The following PCDH11X variants were observed in gnomAD, a reference collection of about 807,000 sequenced individuals.
PCDH11X encodes the protein protocadherin-11 X-linked.
A neutral mutation model predicts 53.3 loss-of-function variants in PCDH11X; 18 were observed. The observed-to-expected ratio is 0.34, with a 90% CI of 0.23 to 0.50. The LOEUF is 0.50. PCDH11X is among the 20% of genes least tolerant of loss of function. The pLI is 0.98. For missense variants in PCDH11X, 570 were observed against 1,032.4 expected (o/e 0.55, Z 6.14); for synonymous variants, 279 against 393.3 (o/e 0.71, Z 3.44).
At chrX:91,873,000 C>T (rs1053033397) in intron 5 of PCDH11X, among the ~76,000 whole-genome samples, 1 of 109,269 alleles carries the variant, frequency 9.2e-6, no homozygotes, top group Admixed American at 9.9e-5. Context: ...TATACTTTGA[C>T]GTCAACTTAG....
chrX:92,343,313 A>G lies in PCDH11X; in HGVS notation c.3145-44422A>G, dbSNP rs764138238. Reference sequence around the variant, plus strand: ...TATTGGTATAAGCCTATATAGTTCTACCATTTTAAAAATCAACCAAAAGCA... The same window carrying G: ...TATTGGTATAAGCCTATATAGTTCTGCCATTTTAAAAATCAACCAAAAGCA... On this transcript the variant is annotated intron_variant, in intron 8 of 10. Coordinates refer to ENST00000682573, the MANE Select transcript of PCDH11X (RefSeq NM_032968.5). Among the ~76,000 whole-genome samples the G allele has an allele frequency of 4.5e-5, 5 of 111,903 alleles. No individual in the cohort carries two copies. In the East Asian group the frequency reaches 1.4e-3, roughly 31 times the overall value.
At chrX:92,262,640 T>C (rs1472751519) in intron 7 of PCDH11X, among the ~76,000 whole-genome samples, 2 of 111,724 alleles carry the variant, frequency 1.8e-5, no homozygotes, top group Non-Finnish European at 1.9e-5. Context: ...CAATGCTGTA[T>C]AAACATCTCT....
At chrX:91,869,211 T>TA (rs1354677091) in intron 5 of PCDH11X, among the ~76,000 whole-genome samples, 1 of 110,410 alleles carries the variant, frequency 9.1e-6, no homozygotes, top group Non-Finnish European at 1.9e-5. Flanking sequence ...CTCAATATTC[T>TA]GGGATCAGAA....
rs2524644 is a variant in PCDH11X, at chrX:91,926,076, G to A, written c.3033+46803G>A. ...TGCATATATACACACACACAAACAC[G>A]CACACACACACACACACACACACAC... On this transcript the variant is annotated intron_variant, in intron 6 of 10. Coordinates refer to ENST00000682573, the MANE Select transcript of PCDH11X (RefSeq NM_032968.5). Among the ~76,000 whole-genome samples, 10 of 83,119 alleles carry A rather than the reference G, an allele frequency of 1.2e-4. No homozygotes were observed. The South Asian group carries it at 2.0e-3, about 17-fold the overall frequency. 72.2% of individuals were successfully genotyped at this position (83,119 alleles called of 115,157 possible). A position where few individuals can be genotyped will look rare whatever the true frequency, so the allele number is the denominator to read the frequency against.
chrX:92,552,446 T>C (rs2074975766), intron 10 of PCDH11X, among the ~76,000 whole-genome samples: 1 of 104,884 alleles, frequency 9.5e-6, no homozygotes, highest in African/African-American at 3.4e-5. Context: ...CGTGCAGTCT[T>C]AGGTTTTTCC....
chrX:92,199,797 C>T (rs935349460), intron 6 of PCDH11X, among the ~76,000 whole-genome samples: 3 of 111,325 alleles, frequency 2.7e-5, no homozygotes, highest in Non-Finnish European at 1.9e-5. Flanking sequence ...ATACAGTGGA[C>T]ATGTTTAGTT....
intron 2 of PCDH11X, among the ~76,000 whole-genome samples, chrX:91,809,841 C>A (rs760743462): frequency 1.5e-3 from 165 of 110,396 alleles, no homozygotes; most frequent in African/African-American, 5.3e-3. Context: ...ATGAGAGAAA[C>A]ACGTCTATGG....
At chrX:91,941,974 C>T (rs2061516056) in intron 6 of PCDH11X, among the ~76,000 whole-genome samples, 1 of 109,998 alleles carries the variant, frequency 9.1e-6, no homozygotes, top group African/African-American at 3.3e-5. Flanking sequence ...CAAAATAAAA[C>T]ATTTTGAACT....
intron 8 of PCDH11X, among the ~76,000 whole-genome samples, chrX:92,334,106 C>T (rs2069557603): frequency 9.0e-6 from 1 of 111,094 alleles, no homozygotes; most frequent in Non-Finnish European, 1.9e-5. Context: ...GTGTAGCCTA[C>T]AAAAATTGAA....
chrX:92,041,637 C>A (rs2063210689), intron 6 of PCDH11X, among the ~76,000 whole-genome samples: 1 of 111,746 alleles, frequency 8.9e-6, no homozygotes, highest in Non-Finnish European at 1.9e-5. Context: ...TTAGCAGGTG[C>A]AAAAAAATTA....
At chrX:92,163,230 G>A (rs943300565) in intron 6 of PCDH11X, among the ~76,000 whole-genome samples, 14 of 110,242 alleles carry the variant, frequency 1.3e-4, no homozygotes, top group East Asian at 5.8e-4. Context: ...CAGTGGGGAC[G>A]CAGGGCTGAG....
At chrX:92,275,170 G>T (rs1289687447) in intron 8 of PCDH11X, among the ~76,000 whole-genome samples, 1 of 103,486 alleles carries the variant, frequency 9.7e-6, no homozygotes, top group Non-Finnish European at 2.0e-5. Context: ...AGACCTGAGG[G>T]CTAGGCTAAA....
intron 6 of PCDH11X, among the ~76,000 whole-genome samples, chrX:92,173,130 C>G (rs774268790): frequency 1.3e-3 from 140 of 111,657 alleles, no homozygotes; most frequent in African/African-American, 4.3e-3. Flanking sequence ...CCAGGAAAGG[C>G]ATTAGTCTTT....
rs779807997 is a variant in PCDH11X at position 92,293,441 on chromosome X, A to G, written c.3144+30298A>G. On this transcript the variant is annotated intron_variant, in intron 8 of 10. Transcript: ENST00000682573. ...AGATCGAGACCATCCTGGCTAACAC[A>G]GTGAAACCCCGCCTCTACAAAAAAT... Among the ~76,000 whole-genome samples the G allele has an allele frequency of 3.9e-3, 427 of 109,413 alleles. 3 individuals are homozygous for G. Among genetic ancestry groups the G allele is most frequent in the Middle Eastern group, 0.019 (4 of 214 alleles).
At chrX:92,096,254 GAATA>G (rs1040103429) in intron 6 of PCDH11X, among the ~76,000 whole-genome samples, 2 of 111,216 alleles carry the variant, frequency 1.8e-5, no homozygotes, top group Admixed American at 9.6e-5. Flanking sequence ...TTCACAAACT[GAATA>G]AATAGAGATT....
At chrX:92,053,048 T>A (rs1022854497) in intron 6 of PCDH11X, among the ~76,000 whole-genome samples, 2 of 112,126 alleles carry the variant, frequency 1.8e-5, no homozygotes, top group Non-Finnish European at 3.8e-5. Flanking sequence ...GTAAAACACG[T>A]CTTTTATTCA....
chrX:91,857,419 C>T lies in PCDH11X; in HGVS notation c.541-19362C>T, dbSNP rs1194791998. Among the ~76,000 whole-genome samples, 4 of 111,505 alleles carry T rather than the reference C, an allele frequency of 3.6e-5. No individual in the cohort carries two copies. In the Admixed American group the frequency reaches 3.8e-4, roughly 11 times the overall value. ...GAACTCATGTCATCACATTTTAAAGCCAATCATAGCTTCCCAACTGTCCTC... is the reference window on the plus strand; with the variant it reads ...GAACTCATGTCATCACATTTTAAAGTCAATCATAGCTTCCCAACTGTCCTC... On this transcript the variant is annotated intron_variant, in intron 5 of 10. Transcript: ENST00000682573.
At chrX:91,963,563 C>T (rs1015779876) in intron 6 of PCDH11X, among the ~76,000 whole-genome samples, 3 of 111,426 alleles carry the variant, frequency 2.7e-5, no homozygotes, top group African/African-American at 9.9e-5. Flanking sequence ...TCAAACTTTC[C>T]CACCTCTTTC....
At chrX:92,509,770 T>G (rs901352726) in intron 10 of PCDH11X, among the ~76,000 whole-genome samples, 6 of 111,612 alleles carry the variant, frequency 5.4e-5, no homozygotes, top group African/African-American at 2.0e-4. Context: ...TCCTTTCCTC[T>G]GGGCAAATAA....
Sources: allele counts gnomAD v4.1 joint callset (sites outside exome capture counted in the v4.1 genomes callset), GRCh38; gene constraint gnomAD v4.1.1; transcripts MANE v1.5; gene names NCBI Gene and HGNC (gene_info 2026-07-23, HGNC 2026-07-21).